Variants in SRGAP3 observed in about 807,000 individuals in gnomAD.
SRGAP3 encodes the protein SLIT-ROBO Rho GTPase-activating protein 3.
Under a neutral mutation model 121.1 loss-of-function variants are expected in SRGAP3, and 39 were observed. The ratio of observed to expected loss-of-function variants is 0.32; its 90% CI spans 0.25 to 0.42. The LOEUF (loss-of-function observed/expected upper bound fraction) is 0.42, where lower values mean the gene tolerates loss of function less well. Ranked by LOEUF, SRGAP3 falls within the 10% of genes least tolerant of loss-of-function variation. The pLI is 1.00. For missense variants in SRGAP3, 1,213 were observed against 1,470.6 expected, an observed-to-expected ratio of 0.82 and a Z score of 2.86; for synonymous variants, 601 against 570.0, an observed-to-expected ratio of 1.05 and a Z score of -0.77.
In SRGAP3 at chr3:9,013,856, G is replaced by A; in HGVS notation, c.1814-14C>T. ...GGTTCTCCAGTTCTGTAACATAAAG[G>A]GGCCTTTCAGCGTGCCTTTCATCCT... On this transcript the variant is annotated splice_polypyrimidine_tract_variant and intron_variant, in intron 15 of 21. Transcript: ENST00000383836. 6.8e-6 allele frequency: 11 copies of A among 1,613,108 alleles called. No individual in the cohort carries two copies. The highest frequency in any genetic ancestry group is 1.1e-5 in the South Asian group (1 of 91,072).
intron 12 of SRGAP3, among the ~76,000 whole-genome samples, chr3:9,027,864 G>A (rs1002323079): frequency 2.6e-5 from 4 of 152,182 alleles, no homozygotes; most frequent in Non-Finnish European, 4.4e-5. Context: ...TCCTCACAAC[G>A]TGAGTAAACC....
At chr3:9,260,031 C>T (rs1054047660) in intron 3 of SRGAP3, among the ~76,000 whole-genome samples, 6 of 151,880 alleles carry the variant, frequency 4.0e-5, no homozygotes, top group African/African-American at 1.5e-4. Context: ...GTCGCCTTAC[C>T]TGGGAAGCAC....
chr3:9,058,137 G>GAA, intron 7 of SRGAP3, 114 bp downstream of exon 7: 1 of 1,136,102 alleles, frequency 8.8e-7, no homozygotes, highest in South Asian at 1.3e-5. Context: ...CCAGGAGCTT[G>GAA]ACCCCAGGCG....
At chr3:9,072,335 A>C (rs1486583232) in intron 4 of SRGAP3, among the ~76,000 whole-genome samples, 1 of 152,112 alleles carries the variant, frequency 6.6e-6, no homozygotes, top group Non-Finnish European at 1.5e-5. Flanking sequence ...CCATGTTCCC[A>C]CACACTGTCA....
chr3:9,140,761 A>C (rs1257919539), intron 1 of SRGAP3, among the ~76,000 whole-genome samples: 1 of 152,248 alleles, frequency 6.6e-6, no homozygotes, highest in Admixed American at 6.5e-5. Flanking sequence ...CTCCTCTACT[A>C]AGTAATCACT....
chr3:9,314,692 C>T (rs1373131939), intron 3 of SRGAP3, among the ~76,000 whole-genome samples: 1 of 144,976 alleles, frequency 6.9e-6, no homozygotes, highest in Non-Finnish European at 1.5e-5. Flanking sequence ...CTCCCCAGTG[C>T]TGGAGGGCTG....
At chr3:9,223,135 C>T (rs1219736889) in intron 1 of SRGAP3, among the ~76,000 whole-genome samples, 1 of 152,228 alleles carries the variant, frequency 6.6e-6, no homozygotes, top group Non-Finnish European at 1.5e-5. Flanking sequence ...TGAGTCAAAT[C>T]TGGCCTACAG....
intron 1 of SRGAP3, among the ~76,000 whole-genome samples, chr3:9,202,175 C>G (rs1446165349): frequency 1.3e-5 from 2 of 152,192 alleles, no homozygotes; most frequent in African/African-American, 2.4e-5. Context: ...GATGACCAGA[C>G]TAAGTCTTGA....
intron 1 of SRGAP3, among the ~76,000 whole-genome samples, chr3:9,234,371 C>T (rs1294179457): frequency 6.6e-6 from 1 of 152,114 alleles, no homozygotes; most frequent in Non-Finnish European, 1.5e-5. Flanking sequence ...CCTACCGAGA[C>T]ACTGAGTTGG....
chr3:9,053,544 A>C (rs1362754692), intron 8 of SRGAP3, among the ~76,000 whole-genome samples: 1 of 152,222 alleles, frequency 6.6e-6, no homozygotes, highest in Non-Finnish European at 1.5e-5. Flanking sequence ...TCTTAGCCTA[A>C]TTATGTAACT....
At chr3:9,248,785 A>G in intron 1 of SRGAP3, 100 bp downstream of exon 1, 1 of 1,211,410 alleles carries the variant, frequency 8.3e-7, no homozygotes, top group East Asian at 2.4e-5. Context: ...AACATTTCAT[A>G]ATGGCAGAGA....
At chr3:9,166,360 G>C (rs1369295006) in intron 1 of SRGAP3, among the ~76,000 whole-genome samples, 1 of 152,198 alleles carries the variant, frequency 6.6e-6, no homozygotes, top group Non-Finnish European at 1.5e-5. Context: ...CACACTGCTA[G>C]ATGGTCCCAC....
Position 9,109,997 on chromosome 3 carries a change from G to A in SRGAP3, c.261-5155C>T, listed in dbSNP as rs78111552. Among the ~76,000 whole-genome samples, 1,547 of 152,142 alleles carry A rather than the reference G, an allele frequency of 0.01. 13 individuals are homozygous for A. The highest frequency in any genetic ancestry group is 0.02 in the Middle Eastern group (6 of 294). ...TAACTCTCATTAGAGTTCAAGCTCC[G>A]TCCTGAGGTCAGCAGGCAGACCTTG... On this transcript the variant is annotated intron_variant, in intron 2 of 21. Coordinates refer to ENST00000383836, the MANE Select transcript of SRGAP3 (RefSeq NM_014850.4). The surrounding 1 kb of genome is among the most constrained non-coding windows in gnomAD (Gnocchi z 4.4).
In SRGAP3 at chr3:8,984,949, C is replaced by G. The variant is rs1306016201; in HGVS notation, c.*570G>C. The G allele has an allele frequency of 4.4e-6, 1 of 229,052 alleles. No homozygotes were observed. Among genetic ancestry groups the G allele is most frequent in the African/African-American group, 2.2e-5 (1 of 45,040 alleles). The allele number at this position is 229,052 out of a possible 1,614,324, so 14.2% of individuals were successfully genotyped here. ...CCTTTAAGTTCTCCCAGAAAAGTCC[C>G]TGCAAATCCCACCAAATAACTCGGT... On this transcript the variant is annotated 3_prime_UTR_variant, in exon 22 of 22. Transcript: ENST00000383836.
chr3:9,025,905 A>C (rs568480309), intron 13 of SRGAP3, among the ~76,000 whole-genome samples: 1 of 152,210 alleles, frequency 6.6e-6, no homozygotes, highest in Non-Finnish European at 1.5e-5. Context: ...TTTCCACATT[A>C]TAATTTAGGA....
intron 1 of SRGAP3, among the ~76,000 whole-genome samples, chr3:9,170,203 A>T (rs1207015044): frequency 6.6e-6 from 1 of 152,136 alleles, no homozygotes; most frequent in Non-Finnish European, 1.5e-5. Context: ...CCCCAGTCTC[A>T]CACCTCTCAA....
intron 2 of SRGAP3, among the ~76,000 whole-genome samples, chr3:9,327,730 G>T (rs1955542771): frequency 6.6e-6 from 1 of 152,184 alleles, no homozygotes; most frequent in African/African-American, 2.4e-5. Flanking sequence ...AGCATTTTAT[G>T]AAGCATTTAG....
intron 3 of SRGAP3, among the ~76,000 whole-genome samples, chr3:9,306,630 C>G (rs957321342): frequency 6.6e-6 from 1 of 152,138 alleles, no homozygotes; most frequent in East Asian, 1.9e-4. Flanking sequence ...AGCTTTCTAC[C>G]TATGGCTAGC....
At chr3:9,276,638 A>G (rs574148863) in intron 3 of SRGAP3, among the ~76,000 whole-genome samples, 4 of 152,070 alleles carry the variant, frequency 2.6e-5, no homozygotes, top group African/African-American at 4.8e-5. Flanking sequence ...TGTTGACCAG[A>G]CTGGTCTTGA....
Sources: allele counts gnomAD v4.1 joint callset (sites outside exome capture counted in the v4.1 genomes callset), GRCh38; gene constraint gnomAD v4.1.1; non-coding constraint Gnocchi (gnomAD v3.1); transcripts MANE v1.5; gene names NCBI Gene and HGNC (gene_info 2026-07-23, HGNC 2026-07-21).